VAV3: variants seen among roughly 807,000 people sequenced by gnomAD.
VAV3 encodes vav guanine nucleotide exchange factor 3, also known as guanine nucleotide exchange factor VAV3.
A neutral mutation model predicts 131.2 loss-of-function variants in VAV3; 94 were observed. The observed-to-expected ratio is 0.72, with a 90% CI of 0.61 to 0.85. VAV3 has a LOEUF of 0.85. VAV3 is among the 40% of genes least tolerant of loss of function. The probability of loss-of-function intolerance (pLI) is 0.00; values close to 1 mark genes in which losing one functional copy is unlikely to be tolerated. For missense variants in VAV3, 939 were observed against 1,002.7 expected, an observed-to-expected ratio of 0.94 and a Z score of 0.86; for synonymous variants, 349 against 342.0, an observed-to-expected ratio of 1.02 and a Z score of -0.22.
At chr1:107,600,056 C>T (rs1327862446) in intron 24 of VAV3, among the ~76,000 whole-genome samples, 1 of 151,920 alleles carries the variant, frequency 6.6e-6, no homozygotes, top group African/African-American at 2.4e-5. Context: ...GACCAAGTAT[C>T]CATGTGGCAT....
chr1:107,741,843 A>C (rs1663042305), intron 15 of VAV3, among the ~76,000 whole-genome samples: 1 of 152,202 alleles, frequency 6.6e-6, no homozygotes, highest in African/African-American at 2.4e-5. Flanking sequence ...TTTTCAATAT[A>C]CAAATGAGTG....
At chr1:107,729,545 G>A (rs1264975961) in intron 15 of VAV3, among the ~76,000 whole-genome samples, 2 of 152,176 alleles carry the variant, frequency 1.3e-5, no homozygotes, top group South Asian at 2.1e-4. Context: ...GATGTCCTAC[G>A]ACATGGTGCA....
chr1:107,761,143 A>G (rs988820080), intron 9 of VAV3, among the ~76,000 whole-genome samples: 2 of 152,154 alleles, frequency 1.3e-5, no homozygotes, highest in African/African-American at 4.8e-5. Flanking sequence ...TAATCCCAGC[A>G]CTTTGGGAGG....
intron 15 of VAV3, among the ~76,000 whole-genome samples, chr1:107,743,592 G>C (rs994241235): frequency 6.6e-6 from 1 of 152,064 alleles, no homozygotes; most frequent in African/African-American, 2.4e-5. Flanking sequence ...TATTTGCCCA[G>C]GGCTTCCAAC....
intron 2 of VAV3, among the ~76,000 whole-genome samples, chr1:107,855,847 T>C (rs1669443197): frequency 6.6e-6 from 1 of 152,176 alleles, no homozygotes; most frequent in Non-Finnish European, 1.5e-5. Context: ...GTGTCAACTC[T>C]AGAAAAATAC....
intron 17 of VAV3, among the ~76,000 whole-genome samples, chr1:107,693,977 G>A (rs532912274): frequency 1.3e-5 from 2 of 150,402 alleles, no homozygotes; most frequent in East Asian, 3.9e-4. Context: ...TAGAACCCAT[G>A]TGTCAAGCTG....
chr1:107,751,595 C>T (rs1663729945), intron 12 of VAV3, among the ~76,000 whole-genome samples: 1 of 151,952 alleles, frequency 6.6e-6, no homozygotes, highest in Non-Finnish European at 1.5e-5. Flanking sequence ...ATGAAGCACA[C>T]TGCGCAGTGG....
chr1:107,677,172 G>A (rs777657104), intron 19 of VAV3, among the ~76,000 whole-genome samples: 2 of 152,082 alleles, frequency 1.3e-5, no homozygotes, highest in South Asian at 2.1e-4. Flanking sequence ...GCACTCCAGG[G>A]TTCTAATTAA....
intron 25 of VAV3, among the ~76,000 whole-genome samples, chr1:107,576,984 T>C (rs1649700626): frequency 6.6e-6 from 1 of 151,596 alleles, no homozygotes; most frequent in Admixed American, 6.6e-5. Context: ...AAAAGTGCAG[T>C]TAGAAATGAA....
At position 107,710,287 on chromosome 1, in the gene VAV3, T is replaced by C. The variant is rs547320320; in HGVS notation, c.1503-5226A>G. ...CAGTATGGACATTGTGGCAATTATG[T>C]AGTATACATAAAATGGTTTATTTCA... On this transcript the variant is annotated intron_variant, in intron 15 of 26. Coordinates refer to ENST00000370056, the MANE Select transcript of VAV3 (RefSeq NM_006113.5). 8.1e-4 allele frequency among the ~76,000 whole-genome samples: 123 copies of C among 152,288 alleles called. 1 individual carries two copies. The highest frequency in any genetic ancestry group is 2.7e-3 in the African/African-American group (112 of 41,570).
At chr1:107,643,997 C>T (rs1269906830) in intron 19 of VAV3, among the ~76,000 whole-genome samples, 1 of 151,976 alleles carries the variant, frequency 6.6e-6, no homozygotes, top group Non-Finnish European at 1.5e-5. Flanking sequence ...GTTCTTGTGC[C>T]GCAGAACCCC....
intron 2 of VAV3, among the ~76,000 whole-genome samples, chr1:107,846,315 GA>G (rs1484450336): frequency 6.6e-6 from 1 of 152,124 alleles, no homozygotes; most frequent in African/African-American, 2.4e-5. Context: ...ATACGGAAAG[GA>G]AAAGCCAGTA....
chr1:107,906,990 T>C (rs1264588981), intron 1 of VAV3, among the ~76,000 whole-genome samples: 1 of 152,202 alleles, frequency 6.6e-6, no homozygotes, highest in Non-Finnish European at 1.5e-5. Flanking sequence ...AAGTATCTTA[T>C]ATGATTGAGG....
In VAV3 at chr1:107,704,917, T is replaced by C. The variant is rs1167922938; in HGVS notation, c.1604+43A>G. On this transcript the variant is annotated intron_variant, in intron 16 of 26. Coordinates refer to ENST00000370056, the MANE Select transcript of VAV3 (RefSeq NM_006113.5). ...AAAAGTCTGAAACACTTAGCAATTA[T>C]ATCAGTTCCTTTAAACTGAAAACCA... 2.6e-6 allele frequency: 4 copies of C among 1,558,668 alleles called. No homozygotes were observed. In the East Asian group the frequency reaches 6.8e-5, roughly 26 times the overall value.
At chr1:107,595,738 T>C (rs372162746) in intron 25 of VAV3, among the ~76,000 whole-genome samples, 5 of 152,218 alleles carry the variant, frequency 3.3e-5, no homozygotes, top group Admixed American at 1.3e-4. Context: ...GTTTTAGAAA[T>C]ACTAGCATCC....
chr1:107,964,520 G>A, intron 1 of VAV3, 146 bp downstream of exon 1: 1 of 846,044 alleles, frequency 1.2e-6, no homozygotes. Flanking sequence ...AAACGCCAAA[G>A]TGGTGCCGAA....
rs568812465 is a variant in VAV3, at chr1:107,744,196, C to T, written c.1502+4772G>A. ...CTCCATCCCCCATTCTCATTCTCTT[C>T]GTCCCACTACCATTAGTCCTTGTGT... On this transcript the variant is annotated intron_variant, in intron 15 of 26. Coordinates refer to ENST00000370056, the MANE Select transcript of VAV3 (RefSeq NM_006113.5). 5.9e-5 allele frequency among the ~76,000 whole-genome samples: 9 copies of T among 152,288 alleles called. No homozygotes were observed. The East Asian group carries it at 1.4e-3, about 23-fold the overall frequency.
chr1:107,575,007 GCGCGCGCGCACA>G (rs113167670), intron 25 of VAV3, among the ~76,000 whole-genome samples: 3,405 of 31,834 alleles, frequency 0.11, 96 homozygotes, highest in South Asian at 0.23. Flanking sequence ...GCGTGCGCGC[GCGCGCGCGCACA>G]CGCGCGCGTG....
intron 2 of VAV3, among the ~76,000 whole-genome samples, chr1:107,781,030 A>G: frequency 6.6e-6 from 1 of 152,194 alleles, no homozygotes; most frequent in South Asian, 2.1e-4. Context: ...TAGAAGGTTC[A>G]TGAGAGTACC....
Sources: allele counts gnomAD v4.1 joint callset (sites outside exome capture counted in the v4.1 genomes callset), GRCh38; gene constraint gnomAD v4.1.1; transcripts MANE v1.5; gene names NCBI Gene and HGNC (gene_info 2026-07-23, HGNC 2026-07-21).